FBN3: variants seen among roughly 807,000 people sequenced by gnomAD.
FBN3 encodes fibrillin-3.
A neutral mutation model predicts 330.1 loss-of-function variants in FBN3; 234 were observed. The ratio of observed to expected loss-of-function variants is 0.71; its 90% CI spans 0.64 to 0.79. The LOEUF is 0.79. Ranked by LOEUF, FBN3 falls within the 30% of genes least tolerant of loss-of-function variation. The probability of loss-of-function intolerance (pLI) is 0.00; values close to 1 mark genes in which losing one functional copy is unlikely to be tolerated. For missense variants in FBN3, 3,606 were observed against 3,886.9 expected, an observed-to-expected ratio of 0.93 and a Z score of 1.92; for synonymous variants, 1,458 against 1,517.3, an observed-to-expected ratio of 0.96 and a Z score of 0.91.
Position 8,086,067 on chromosome 19 carries a change from G to GGGGGT in FBN3, c.6880+132_6880+133insACCCC. On this transcript the variant is annotated intron_variant, in intron 55 of 63. Coordinates refer to ENST00000600128, the MANE Select transcript of FBN3 (RefSeq NM_032447.5). ...CAGGCAGTGGGGGGAACAGGCAGTG[G>GGGGGT]AGGGAACAGGCAGTGGGAGGGACAG... 2 of 511,270 alleles carry GGGGGT rather than the reference G, an allele frequency of 3.9e-6. 1 individual carries two copies. The highest frequency in any genetic ancestry group is 6.5e-6 in the Non-Finnish European group (2 of 305,954). 31.7% of individuals were successfully genotyped at this position (511,270 alleles called of 1,614,324 possible). A position where few individuals can be genotyped will look rare whatever the true frequency, so the allele number is the denominator to read the frequency against.
At chr19:8,133,192 C>G in intron 13 of FBN3, 86 bp from the exon 14 acceptor site, 2 of 1,448,488 alleles carry the variant, frequency 1.4e-6, no homozygotes, top group East Asian at 2.5e-5. Flanking sequence ...GGCTGACCCC[C>G]CAGGATCCCT....
chr19:8,124,561 G>A (rs1215437117), intron 22 of FBN3, among the ~76,000 whole-genome samples: 9 of 115,590 alleles, frequency 7.8e-5, no homozygotes, highest in East Asian at 2.6e-4. Context: ...TTTTTTAGAC[G>A]GAGTCTTGCT....
intron 55 of FBN3, 80 bp downstream of exon 55, chr19:8,086,120 A>AACAGGCAGTGGGAGGGG (rs2081948965): frequency 1.3e-6 from 1 of 781,402 alleles, no homozygotes; most frequent in African/African-American, 4.5e-5. Flanking sequence ...CAGTGGGGGG[A>AACAGGCAGTGGGAGGGG]ACAGGCAGTG....
At chr19:8,108,793 A>T (rs970585767) in intron 36 of FBN3, among the ~76,000 whole-genome samples, 11 of 152,070 alleles carry the variant, frequency 7.2e-5, no homozygotes, top group African/African-American at 2.7e-4. Context: ...CAGAGCTTTC[A>T]CTTCCCCACA....
At chr19:8,091,972 G>A (rs966734490) in intron 47 of FBN3, among the ~76,000 whole-genome samples, 1 of 151,842 alleles carries the variant, frequency 6.6e-6, no homozygotes, top group African/African-American at 2.4e-5. Context: ...ACCAGGTCAG[G>A]AGATTGAGAC....
Position 8,126,301 on chromosome 19 carries a change from G to A in FBN3, c.2601C>T (p.Cys867=), listed in dbSNP as rs147627738. 1.4e-4 allele frequency: 218 copies of A among 1,587,660 alleles called. No homozygotes were observed. The highest frequency in any genetic ancestry group is 1.4e-4 in the Non-Finnish European group (161 of 1,169,052). ...RGFARMTGVT[C]DDVNECESFP... is the part of the protein sequence containing the mutation. ...TGGACACGGGCAGGCAGTTACCATC[G>A]CAGGTGACACCCGTCATCCGGGCAA... is the stretch of plus-strand genomic sequence containing the variant. Residue 867 remains cysteine (C), a synonymous_variant, in exon 21 of 64, where the codon TGC becomes TGT. Transcript: ENST00000600128.
chr19:8,065,985 C>G lies in FBN3; in HGVS notation c.8364G>C (p.Gln2788His), dbSNP rs775224566. ...VSHMAGPWGV[Q>H]PEGQPGPWGQ... ...CCCATGGCCCTGGCTGCCCCTCTGG[C>G]TGGACACCCCAGGGTCCTGCCATGT... Residue 2788 changes from glutamine (Q) to histidine (H), a missense_variant, in exon 64 of 64, where the codon CAG becomes CAC. By Grantham distance (24) the Gln-to-His change is conservative. Coordinates refer to ENST00000600128, the MANE Select transcript of FBN3 (RefSeq NM_032447.5). The G allele has an allele frequency of 6.2e-7, 1 of 1,612,272 alleles. No individual in the cohort carries two copies. Among genetic ancestry groups the G allele is most frequent in the Non-Finnish European group, 8.5e-7 (1 of 1,179,430 alleles).
chr19:8,072,154 G>A lies in FBN3; in HGVS notation c.7982C>T (p.Thr2661Ile), dbSNP rs2081528909. 6.3e-7 allele frequency: 1 copy of A among 1,597,758 alleles called. No homozygotes were observed. The highest frequency in any genetic ancestry group is 8.5e-7 in the Non-Finnish European group (1 of 1,172,410). ...CGAGAGCAGCTCCTCTTTGTCCGGGGTGTCCTGGGGTCCGGGGCTGAAGCC... is the reference window on the plus strand; with the variant it reads ...CGAGAGCAGCTCCTCTTTGTCCGGGATGTCCTGGGGTCCGGGGCTGAAGCC... Reference protein sequence around the residue: ...GLGFSPGPQDTPDKEELLSSE... With the variant: ...GLGFSPGPQDIPDKEELLSSE... Residue 2661 changes from threonine to isoleucine, a missense_variant, in exon 63 of 64, where the codon ACC becomes ATC. Transcript: ENST00000600128.
chr19:8,090,043 A>C lies in FBN3; in HGVS notation c.6184+56T>G, dbSNP rs543518173. On this transcript the variant is annotated intron_variant, in intron 49 of 63. Transcript: ENST00000600128. ...TGCAGGGAAGGATGAGAGAAGAATG[A>C]GAGAGGAAGGTGAGGGCACATCATC... 28 of 1,602,916 alleles carry C rather than the reference A, an allele frequency of 1.7e-5. No individual in the cohort carries two copies. The Admixed American group carries it at 3.5e-4, about 20-fold the overall frequency.
chr19:8,126,206 C>T (rs562751162), intron 21 of FBN3, 91 bp downstream of exon 21: 12 of 1,463,752 alleles, frequency 8.2e-6, no homozygotes, highest in South Asian at 4.8e-5. Flanking sequence ...GACTCCAGGG[C>T]GGGGCCGGAG....
At chr19:8,124,956 C>A in intron 22 of FBN3, among the ~76,000 whole-genome samples, 1 of 152,212 alleles carries the variant, frequency 6.6e-6, no homozygotes. Flanking sequence ...CCCTAAGGTG[C>A]TCTATGGACT....
At chr19:8,089,984 C>T in intron 49 of FBN3, 25 bp from the exon 50 acceptor site, 1 of 1,595,570 alleles carries the variant, frequency 6.3e-7, no homozygotes, top group Non-Finnish European at 8.5e-7. Context: ...GGAGGGGAGT[C>T]AGAGTCAGGG....
chr19:8,118,021 C>T (rs945985594), intron 26 of FBN3, among the ~76,000 whole-genome samples: 1 of 151,882 alleles, frequency 6.6e-6, no homozygotes, highest in Non-Finnish European at 1.5e-5. Context: ...TGTGCACACA[C>T]AGACACACAA....
chr19:8,118,477 A>G (rs1007386109), intron 26 of FBN3, among the ~76,000 whole-genome samples: 2 of 152,000 alleles, frequency 1.3e-5, no homozygotes, highest in African/African-American at 2.4e-5. Context: ...ACAAAATGAA[A>G]CACACCTACG....
At chr19:8,088,359 C>T (rs1402553213) in intron 51 of FBN3, among the ~76,000 whole-genome samples, 180 bp from the exon 52 acceptor site, 1 of 152,040 alleles carries the variant, frequency 6.6e-6, no homozygotes, top group Non-Finnish European at 1.5e-5. Context: ...AATGTGTGAG[C>T]AAGTGGGCAG....
chr19:8,077,608 C>T lies in FBN3; in HGVS notation c.7454-2197G>A, dbSNP rs1251852067. On this transcript the variant is annotated intron_variant, in intron 59 of 63. Transcript: ENST00000600128. ...GAGCCACGATCACGCCCCTGCGCTCCAGCCTGGGCGACAGAGTGAGACTCT... is the reference window on the plus strand; with the variant it reads ...GAGCCACGATCACGCCCCTGCGCTCTAGCCTGGGCGACAGAGTGAGACTCT... Among the ~76,000 whole-genome samples the T allele has an allele frequency of 2.0e-5, 3 of 152,218 alleles. No individual in the cohort carries two copies. In the East Asian group the frequency reaches 5.8e-4, roughly 29 times the overall value.
Position 8,072,150 on chromosome 19 carries a change from CG to C in FBN3, c.7985del (p.Pro2662ArgfsTer36). The C allele has an allele frequency of 6.2e-7, 1 of 1,601,440 alleles. No individual in the cohort carries two copies. On this transcript the variant is annotated frameshift_variant, in exon 63 of 64. Coordinates refer to ENST00000600128, the MANE Select transcript of FBN3 (RefSeq NM_032447.5). LOFTEE classifies it high-confidence loss of function. ...CAGACGAGAGCAGCTCCTCTTTGTC[CG>C]GGGTGTCCTGGGGTCCGGGGCTGAA... The part of the protein sequence containing the change: ...LGFSPGPQDT[P>X]DKEELLSSEA...
chr19:8,081,190 C>G, intron 58 of FBN3, 71 bp from the exon 59 acceptor site: 1 of 1,511,286 alleles, frequency 6.6e-7, no homozygotes, highest in South Asian at 1.1e-5. Flanking sequence ...CAGGGGCTGC[C>G]CTTGCCACCT....
chr19:8,102,592 G>C lies in FBN3; in HGVS notation c.5089+132C>G. On this transcript the variant is annotated intron_variant, in intron 40 of 63. Coordinates refer to ENST00000600128, the MANE Select transcript of FBN3 (RefSeq NM_032447.5). ...CAGTATGAGAATGGACTAATAGAGG[G>C]ACAAAACTTCAACTCTCTGGCTCTC... 5.8e-6 allele frequency: 5 copies of C among 856,448 alleles called. No individual in the cohort carries two copies. In the South Asian group the frequency reaches 8.7e-5, roughly 15 times the overall value. The allele number at this position is 856,448 out of a possible 1,614,324, so 53.1% of individuals were successfully genotyped here.
Sources: gnomAD v4.1 joint callset for allele counts (sites outside exome capture counted in the v4.1 genomes callset) on GRCh38, gnomAD v4.1.1 for gene constraint, MANE v1.5 for transcripts, NCBI Gene and HGNC (gene_info 2026-07-23, HGNC 2026-07-21) for gene names.